The following CLCN3 variants were observed in gnomAD, a reference collection of about 807,000 sequenced individuals.
CLCN3 encodes the protein Cl-/H+ antiporter 3.
CLCN3 carries 16 observed loss-of-function variants against 83.4 expected under a neutral mutation model. The ratio of observed to expected loss-of-function variants is 0.19; its 90% confidence interval spans 0.13 to 0.29. The LOEUF (loss-of-function observed/expected upper bound fraction) is 0.29, where lower values mean the gene tolerates loss of function less well. Among genes scored for constraint, CLCN3 ranks in the 10% least tolerant of loss-of-function variants. The pLI is 1.00. For missense variants in CLCN3, 544 were observed against 1,006.0 expected, an observed-to-expected ratio of 0.54 and a Z score of 6.21; for synonymous variants, 322 against 346.2, an observed-to-expected ratio of 0.93 and a Z score of 0.78.
At chr4:169,681,901 T>C (rs945870926) in intron 3 of CLCN3, among the ~76,000 whole-genome samples, 1 of 152,244 alleles carries the variant, frequency 6.6e-6, no homozygotes, top group African/African-American at 2.4e-5. Context: ...GTCAATATGT[T>C]GTATGTTGTT....
rs773103976 is a variant in CLCN3, at chr4:169,707,256, A to G, written c.2139A>G (p.Thr713=). Residue 713 remains threonine, a synonymous_variant, in exon 11 of 13, where the codon ACA becomes ACG. Coordinates refer to ENST00000513761, the MANE Select transcript of CLCN3 (RefSeq NM_001829.4). ...LVGFALRRDL[T]IAIESARKKQ... ...GATTTGCCCTCAGAAGAGACCTGAC[A>G]ATTGCAATAGGTACCCTTTCAAAAA... The G allele has an allele frequency of 6.2e-7, 1 of 1,600,596 alleles. No individual in the cohort carries two copies. The highest frequency in any genetic ancestry group is 8.5e-7 in the Non-Finnish European group (1 of 1,174,194).
At position 169,695,606 on chromosome 4, in the gene CLCN3, T is replaced by A. The variant is rs1732534621; in HGVS notation, c.937-6T>A. The stretch of plus-strand genomic sequence containing the variant: ...AATTATGAAATAAGCCATATCCTCT[T>A]TCTAGGTGCTATCAGCTGCCTCAGC... On this transcript the variant is annotated splice_region_variant and splice_polypyrimidine_tract_variant and intron_variant, in intron 7 of 12. Coordinates refer to ENST00000513761, the MANE Select transcript of CLCN3 (RefSeq NM_001829.4). 6.2e-7 allele frequency: 1 copy of A among 1,604,418 alleles called. No individual in the cohort carries two copies. The highest frequency in any genetic ancestry group is 1.7e-5 in the Admixed American group (1 of 59,614).
intron 1 of CLCN3, among the ~76,000 whole-genome samples, chr4:169,621,549 A>G (rs532274285): frequency 1.8e-4 from 28 of 152,316 alleles, no homozygotes; most frequent in African/African-American, 6.3e-4. Flanking sequence ...GAGCATATAG[A>G]AGATAATTAC....
chr4:169,644,862 G>A (rs1730528921), intron 2 of CLCN3, among the ~76,000 whole-genome samples: 2 of 152,088 alleles, frequency 1.3e-5, no homozygotes, highest in Admixed American at 1.3e-4. Context: ...GTTAGTGGTA[G>A]CAGACATGAT....
chr4:169,685,744 A>T (rs555866345), intron 3 of CLCN3, among the ~76,000 whole-genome samples: 1 of 152,326 alleles, frequency 6.6e-6, no homozygotes, highest in South Asian at 2.1e-4. Flanking sequence ...TATATAAAGA[A>T]AACAGCAGTG....
chr4:169,644,995 G>A (rs1730532634), intron 2 of CLCN3, among the ~76,000 whole-genome samples: 2 of 152,174 alleles, frequency 1.3e-5, no homozygotes, highest in Admixed American at 6.5e-5. Flanking sequence ...ACACTGCCCT[G>A]CTGACACACC....
chr4:169,719,900 C>T lies in CLCN3; in HGVS notation c.2367-7C>T. On this transcript the variant is annotated splice_region_variant and splice_polypyrimidine_tract_variant and intron_variant, in intron 12 of 12. Transcript: ENST00000513761. ...TTTCATAGGAGTCTTCTGTTTATTCCTTTCAGGCGCCTCCTTGGCATTATA... is the reference window on the plus strand; with the variant it reads ...TTTCATAGGAGTCTTCTGTTTATTCTTTTCAGGCGCCTCCTTGGCATTATA... The T allele has an allele frequency of 6.2e-7, 1 of 1,601,582 alleles. No individual in the cohort carries two copies. Among genetic ancestry groups the T allele is most frequent in the East Asian group, 2.2e-5 (1 of 44,700 alleles).
chr4:169,710,504 G>A (rs995601090), intron 11 of CLCN3, among the ~76,000 whole-genome samples: 3 of 152,088 alleles, frequency 2.0e-5, no homozygotes, highest in South Asian at 2.1e-4. Flanking sequence ...GGGCTCAAAC[G>A]ATCCACCTGC....
At chr4:169,718,882 T>G (rs1272996953) in intron 12 of CLCN3, among the ~76,000 whole-genome samples, 1 of 152,218 alleles carries the variant, frequency 6.6e-6, no homozygotes, top group Non-Finnish European at 1.5e-5. Context: ...TAGGACTGCC[T>G]TCTGATTTTT....
chr4:169,660,966 A>T (rs923229018), intron 2 of CLCN3, among the ~76,000 whole-genome samples: 2 of 152,212 alleles, frequency 1.3e-5, no homozygotes, highest in Non-Finnish European at 2.9e-5. Context: ...TAATTTCTAT[A>T]TTAATACTTT....
chr4:169,620,900 G>A lies in CLCN3; in HGVS notation c.-180G>A. 2.5e-6 allele frequency: 1 copy of A among 398,484 alleles called. No individual in the cohort carries two copies. The allele number at this position is 398,484 out of a possible 1,614,324, so 24.7% of individuals were successfully genotyped here. A position where few individuals can be genotyped will look rare whatever the true frequency, so the allele number is the denominator to read the frequency against. On this transcript the variant is annotated 5_prime_UTR_variant, in exon 1 of 13. Transcript: ENST00000513761. ...CGGGCAAAATTTTCGTAACCTCTGC[G>A]GTAGAAAACGTCAGGTATCTTTTAA... is the stretch of plus-strand genomic sequence containing the variant.
intron 5 of CLCN3, among the ~76,000 whole-genome samples, chr4:169,689,602 A>G (rs774667580): frequency 9.9e-5 from 15 of 152,224 alleles, no homozygotes; most frequent in Non-Finnish European, 4.4e-5. Context: ...ATTTAGTAAA[A>G]TCAACCTACG....
rs569776269 is a variant in CLCN3 at position 169,694,225 on chromosome 4, A to C, written c.937-1387A>C. 3.9e-5 allele frequency among the ~76,000 whole-genome samples: 6 copies of C among 152,276 alleles called. No individual in the cohort carries two copies. In the South Asian group the frequency reaches 1.2e-3, roughly 32 times the overall value. On this transcript the variant is annotated intron_variant, in intron 7 of 12. Transcript: ENST00000513761. ...TTAATTCACCAAACTTTTATAAAGT[A>C]TTTACTGGTGCCAGGCACTGTTCTA...
At position 169,713,052 on chromosome 4, in the gene CLCN3, GTGTTGGTC is replaced by G. The variant is rs1157131331; in HGVS notation, c.2150-25_2150-18del. The G allele has an allele frequency of 2.6e-6, 4 of 1,562,720 alleles. No homozygotes were observed. Among genetic ancestry groups the G allele is most frequent in the Non-Finnish European group, 2.6e-6 (3 of 1,134,774 alleles). On this transcript the variant is annotated intron_variant, in intron 11 of 12. Coordinates refer to ENST00000513761, the MANE Select transcript of CLCN3 (RefSeq NM_001829.4). ...TACTTAAAAATCTATCAGTTTAAAA[GTGTTGGTC>G]TCTTCTCTCTCTTTTCAGAAAGTGC...
chr4:169,678,010 C>T (rs1311383903), intron 2 of CLCN3, among the ~76,000 whole-genome samples: 1 of 152,090 alleles, frequency 6.6e-6, no homozygotes, highest in Non-Finnish European at 1.5e-5. Flanking sequence ...ATGAGGGAAC[C>T]CGCCTGATGA....
At chr4:169,663,317 GTTGTT>G (rs1731129720) in intron 2 of CLCN3, among the ~76,000 whole-genome samples, 1 of 3,378 alleles carries the variant, frequency 3.0e-4, no homozygotes, top group Admixed American at 7.9e-3. Context: ...GGGTTTTTTT[GTTGTT>G]GTTGTTGTTG....
chr4:169,711,629 C>T (rs569984328), intron 11 of CLCN3, among the ~76,000 whole-genome samples: 4 of 152,216 alleles, frequency 2.6e-5, no homozygotes, highest in South Asian at 4.2e-4. Flanking sequence ...GGATTACAGA[C>T]GTGAGCCACT....
chr4:169,678,853 T>G (rs1288906636), intron 2 of CLCN3, among the ~76,000 whole-genome samples: 2 of 152,246 alleles, frequency 1.3e-5, no homozygotes, highest in African/African-American at 4.8e-5. Flanking sequence ...GATCTCTCTT[T>G]TCCCCATATT....
At chr4:169,649,959 A>G (rs1730686623) in intron 2 of CLCN3, among the ~76,000 whole-genome samples, 1 of 151,974 alleles carries the variant, frequency 6.6e-6, no homozygotes, top group African/African-American at 2.4e-5. Context: ...GTGGTGCACG[A>G]CTGTAGTCCC....
Sources: gnomAD v4.1 joint callset for allele counts (sites outside exome capture counted in the v4.1 genomes callset) on GRCh38, gnomAD v4.1.1 for gene constraint, MANE v1.5 for transcripts, NCBI Gene and HGNC (gene_info 2026-07-23, HGNC 2026-07-21) for gene names.